ST6GALNAC3: variants seen among roughly 807,000 people sequenced by gnomAD.
ST6GALNAC3 encodes alpha-N-acetylgalactosaminide alpha-2,6-sialyltransferase 3.
A neutral mutation model predicts 32.7 loss-of-function variants in ST6GALNAC3; 25 were observed. The ratio of observed to expected loss-of-function variants is 0.76; its 90% CI spans 0.56 to 1.07. The LOEUF is 1.07. Among genes scored for constraint, ST6GALNAC3 ranks in the 50% least tolerant of loss-of-function variants. The pLI is 0.00. For synonymous variants in ST6GALNAC3, 129 were observed against 133.1 expected (o/e 0.97, Z 0.21); for missense variants, 355 against 382.4 (o/e 0.93, Z 0.60).
In ST6GALNAC3 at chr1:76,500,892, G is replaced by A. The variant is rs1661139149; in HGVS notation, c.623+88475G>A. Among the ~76,000 whole-genome samples the A allele has an allele frequency of 2.0e-5, 3 of 152,114 alleles. No individual in the cohort carries two copies. In the South Asian group the frequency reaches 6.2e-4, roughly 32 times the overall value. On this transcript the variant is annotated intron_variant, in intron 3 of 4. Coordinates refer to ENST00000328299, the MANE Select transcript of ST6GALNAC3 (RefSeq NM_152996.4). Reference sequence around the variant, plus strand: ...AAGTAAAAGGACAGATTGTAGAATAGTATTTACAGTGAACCCATTTGTAGA... The same window carrying A: ...AAGTAAAAGGACAGATTGTAGAATAATATTTACAGTGAACCCATTTGTAGA...
At chr1:76,210,883 G>T (rs1467664896) in intron 1 of ST6GALNAC3, among the ~76,000 whole-genome samples, 1 of 152,012 alleles carries the variant, frequency 6.6e-6, no homozygotes, top group Non-Finnish European at 1.5e-5. Flanking sequence ...AGTAGCTGGG[G>T]TTACAGGCAC....
intron 3 of ST6GALNAC3, among the ~76,000 whole-genome samples, chr1:76,464,065 G>T (rs1361675677): frequency 6.6e-6 from 1 of 152,032 alleles, no homozygotes; most frequent in Non-Finnish European, 1.5e-5. Context: ...TTCCCCTATA[G>T]GGTACTGTGC....
intron 3 of ST6GALNAC3, among the ~76,000 whole-genome samples, chr1:76,552,190 A>G (rs1258389015): frequency 5.9e-5 from 9 of 152,166 alleles, no homozygotes; most frequent in African/African-American, 2.2e-4. Context: ...TGTGGATTCC[A>G]GGCAGCTCCC....
At chr1:76,603,309 T>A (rs1240702641) in intron 3 of ST6GALNAC3, among the ~76,000 whole-genome samples, 1 of 152,186 alleles carries the variant, frequency 6.6e-6, no homozygotes, top group African/African-American at 2.4e-5. Context: ...AAAACTGGAA[T>A]CATCTCAAAT....
At chr1:76,388,883 T>G (rs983658197) in intron 2 of ST6GALNAC3, among the ~76,000 whole-genome samples, 2 of 152,212 alleles carry the variant, frequency 1.3e-5, no homozygotes, top group Non-Finnish European at 2.9e-5. Context: ...CATGCTGACA[T>G]TGCTCTCTGA....
intron 1 of ST6GALNAC3, among the ~76,000 whole-genome samples, chr1:76,309,468 T>C (rs977306696): frequency 1.3e-5 from 2 of 152,174 alleles, no homozygotes; most frequent in African/African-American, 2.4e-5. Context: ...CATTCAGCGA[T>C]GTGTAGCCTT....
rs529583544 is a variant in ST6GALNAC3, at chr1:76,187,179, C to CA, written c.18+112296dup. Among the ~76,000 whole-genome samples the CA allele has an allele frequency of 9.2e-5, 14 of 152,304 alleles. No individual in the cohort carries two copies. In the South Asian group the frequency reaches 2.7e-3, roughly 29 times the overall value. Reference sequence around the variant, plus strand: ...GCAGAAAGCTGTGCATTCTAAATGGCATTGAAATAAATTACTGCCTTCATT... The same window carrying CA: ...GCAGAAAGCTGTGCATTCTAAATGGCAATTGAAATAAATTACTGCCTTCATT... On this transcript the variant is annotated intron_variant, in intron 1 of 4. Coordinates refer to ENST00000328299, the MANE Select transcript of ST6GALNAC3 (RefSeq NM_152996.4).
chr1:76,089,449 T>C (rs1647012984), intron 1 of ST6GALNAC3, among the ~76,000 whole-genome samples: 1 of 152,186 alleles, frequency 6.6e-6, no homozygotes, highest in Non-Finnish European at 1.5e-5. Flanking sequence ...GCTACAATGA[T>C]TGCACACGGG....
intron 1 of ST6GALNAC3, among the ~76,000 whole-genome samples, chr1:76,091,891 C>T (rs988395185): frequency 6.6e-6 from 1 of 152,168 alleles, no homozygotes; most frequent in African/African-American, 2.4e-5. Context: ...ATCATTGAGC[C>T]ATTCATGACT....
intron 3 of ST6GALNAC3, among the ~76,000 whole-genome samples, chr1:76,434,572 A>G (rs527508184): frequency 6.6e-5 from 10 of 152,308 alleles, no homozygotes; most frequent in Admixed American, 2.6e-4. Flanking sequence ...ACAAAGTAGG[A>G]TTATAAAAAA....
chr1:76,371,487 AG>A (rs1202396164), intron 2 of ST6GALNAC3, among the ~76,000 whole-genome samples: 2 of 152,178 alleles, frequency 1.3e-5, no homozygotes, highest in Non-Finnish European at 2.9e-5. Flanking sequence ...TGGAAAATGC[AG>A]GATATGTTGG....
chr1:76,189,577 A>G (rs1653775176), intron 1 of ST6GALNAC3, among the ~76,000 whole-genome samples: 1 of 113,958 alleles, frequency 8.8e-6, no homozygotes, highest in South Asian at 4.1e-4. Context: ...ATGACTAATA[A>G]GAGATCAGAA....
chr1:76,138,085 A>G (rs768945571), intron 1 of ST6GALNAC3, among the ~76,000 whole-genome samples: 4 of 152,256 alleles, frequency 2.6e-5, no homozygotes, highest in Non-Finnish European at 4.4e-5. Context: ...TCCTCAGGAT[A>G]TGGAGATAAA....
intron 2 of ST6GALNAC3, among the ~76,000 whole-genome samples, chr1:76,373,051 C>A (rs1650955505): frequency 6.6e-6 from 1 of 152,180 alleles, no homozygotes. Flanking sequence ...CCTGCTTCAA[C>A]CTCCCAAAGT....
chr1:76,258,012 G>A (rs898825756), intron 1 of ST6GALNAC3, among the ~76,000 whole-genome samples: 2 of 152,076 alleles, frequency 1.3e-5, no homozygotes, highest in African/African-American at 4.8e-5. Flanking sequence ...TTTGTCTCAT[G>A]TGCCCCTGAA....
At chr1:76,336,973 T>A (rs1026287449) in intron 2 of ST6GALNAC3, among the ~76,000 whole-genome samples, 2 of 152,204 alleles carry the variant, frequency 1.3e-5, no homozygotes, top group African/African-American at 4.8e-5. Flanking sequence ...TTCCTCCAGA[T>A]GACATATTGC....
intron 1 of ST6GALNAC3, among the ~76,000 whole-genome samples, chr1:76,240,248 A>C (rs1268268197): frequency 6.6e-6 from 1 of 152,222 alleles, no homozygotes; most frequent in African/African-American, 2.4e-5. Flanking sequence ...TAAAATATGT[A>C]GTATGATGTT....
intron 3 of ST6GALNAC3, among the ~76,000 whole-genome samples, chr1:76,533,148 G>A (rs1663363773): frequency 6.6e-6 from 1 of 152,184 alleles, no homozygotes; most frequent in Non-Finnish European, 1.5e-5. Flanking sequence ...GGGAGTTACA[G>A]CTGGCTAATT....
intron 1 of ST6GALNAC3, among the ~76,000 whole-genome samples, chr1:76,099,581 A>G (rs1647184755): frequency 6.6e-6 from 1 of 151,878 alleles, no homozygotes; most frequent in Non-Finnish European, 1.5e-5. Context: ...ATGAAAGAGT[A>G]CGTAATACGT....
Sources: gnomAD v4.1 joint callset for allele counts (sites outside exome capture counted in the v4.1 genomes callset) on GRCh38, gnomAD v4.1.1 for gene constraint, MANE v1.5 for transcripts, NCBI Gene and HGNC (gene_info 2026-07-23, HGNC 2026-07-21) for gene names.